TTLL12: variants seen among roughly 807,000 people sequenced by gnomAD.
TTLL12 encodes the protein tubulin--tyrosine ligase-like protein 12.
TTLL12 carries 77 observed loss-of-function variants against 79.6 expected under a neutral mutation model. That is an observed-to-expected ratio of 0.97 (90% CI 0.81 to 1.17). The LOEUF (loss-of-function observed/expected upper bound fraction) is 1.17, where lower values mean the gene tolerates loss of function less well. Among genes scored for constraint, TTLL12 ranks in the 50% most tolerant of loss-of-function variants. The pLI, the probability that TTLL12 is intolerant of heterozygous loss-of-function variation, is 0.00. For missense variants in TTLL12, 969 were observed against 895.9 expected (o/e 1.08, Z -1.04); for synonymous variants, 437 against 376.1 (o/e 1.16, Z -1.87).
At chr22:43,182,824 C>A (rs1932090967) in intron 2 of TTLL12, among the ~76,000 whole-genome samples, 156 bp downstream of exon 2, 1 of 152,240 alleles carries the variant, frequency 6.6e-6, no homozygotes, top group Non-Finnish European at 1.5e-5. Flanking sequence ...TACTCTGAAG[C>A]CCTGATGGAC....
At position 43,167,091 on chromosome 22, in the gene TTLL12, A is replaced by C. The variant is rs1931635325; in HGVS notation, c.*917T>G. The C allele has an allele frequency of 2.3e-6, 1 of 442,270 alleles. No individual in the cohort carries two copies. The highest frequency in any genetic ancestry group is 1.7e-5 in the South Asian group (1 of 58,580). 27.4% of individuals were successfully genotyped at this position (442,270 alleles called of 1,614,324 possible). A position where few individuals can be genotyped will look rare whatever the true frequency, so the allele number is the denominator to read the frequency against. On this transcript the variant is annotated 3_prime_UTR_variant, in exon 14 of 14. Transcript: ENST00000216129. ...ATACATTAAAAAATAAGAAAAAGCC[A>C]ACATTTTGACTGTAGACCCTGGTAG...
Position 43,168,315 on chromosome 22 carries a change from C to T in TTLL12, c.1784-156G>A, listed in dbSNP as rs537636661. 6.6e-5 allele frequency among the ~76,000 whole-genome samples: 10 copies of T among 152,136 alleles called. No homozygotes were observed. In the South Asian group the frequency reaches 2.1e-3, roughly 32 times the overall value. On this transcript the variant is annotated intron_variant, in intron 13 of 13. Transcript: ENST00000216129. The stretch of plus-strand genomic sequence containing the variant: ...AAGGCCGGGCCTAGAACTTGGGTCT[C>T]TTGACTTTGCTGGGGAGGCCTGGCC...
chr22:43,186,991 C>A lies in TTLL12; in HGVS notation c.79G>T (p.Ala27Ser). 1 of 1,283,516 alleles carries A rather than the reference C, an allele frequency of 7.8e-7. No individual in the cohort carries two copies. Among genetic ancestry groups the A allele is most frequent in the South Asian group, 2.2e-5 (1 of 44,924 alleles). The allele number at this position is 1,283,516 out of a possible 1,614,324, so 79.5% of individuals were successfully genotyped here. A position where few individuals can be genotyped will look rare whatever the true frequency, so the allele number is the denominator to read the frequency against. The change falls in exon 1 of 14, where the codon GCC (alanine) becomes TCC (serine). Residue 27 changes from alanine to serine, a missense_variant. By Grantham distance (99) the Ala-to-Ser change is moderately conservative. Transcript: ENST00000216129. ...TGCAGCGCCGCGAACTCGGCCAAGG[C>A]CTGCGCGCCCTCCTCCGGCGTCTGG... is the stretch of plus-strand genomic sequence containing the variant. Reference protein sequence around the residue: ...PGQTPEEGAQALAEFAALHGP... With the variant: ...PGQTPEEGAQSLAEFAALHGP...
At chr22:43,185,436 G>C (rs1932160445) in intron 1 of TTLL12, among the ~76,000 whole-genome samples, 4 of 151,952 alleles carry the variant, frequency 2.6e-5, no homozygotes, top group Middle Eastern at 3.4e-3. Flanking sequence ...CCACACCTGG[G>C]CCAGTAGCAG....
At position 43,169,486 on chromosome 22, in the gene TTLL12, A is replaced by G; in HGVS notation, c.1644+14T>C. 6.3e-7 allele frequency: 1 copy of G among 1,580,240 alleles called. No individual in the cohort carries two copies. The highest frequency in any genetic ancestry group is 8.6e-7 in the Non-Finnish European group (1 of 1,162,666). ...GCCCCACCGGCCTGCGATGGTGTGC[A>G]GGACAGGAATTACCTGGACGTCCGT... On this transcript the variant is annotated intron_variant, in intron 12 of 13. Transcript: ENST00000216129.
At position 43,187,045 on chromosome 22, in the gene TTLL12, G is replaced by C; in HGVS notation, c.25C>G (p.Arg9Gly). MEAERGPE[R>G]RPAERSSPGQ... ...GGGCTGCTACGCTCCGCAGGCCGGCGCTCGGGACCCCGCTCGGCCTCCATG... is the reference window on the plus strand; with the variant it reads ...GGGCTGCTACGCTCCGCAGGCCGGCCCTCGGGACCCCGCTCGGCCTCCATG... Residue 9 changes from arginine (R) to glycine (G), a missense_variant, in exon 1 of 14, where the codon CGC becomes GGC. Transcript: ENST00000216129. 4 of 1,195,250 alleles carry C rather than the reference G, an allele frequency of 3.3e-6. No homozygotes were observed. The South Asian group carries it at 1.5e-4, about 45-fold the overall frequency. 74.0% of individuals were successfully genotyped at this position (1,195,250 alleles called of 1,614,324 possible). A position where few individuals can be genotyped will look rare whatever the true frequency, so the allele number is the denominator to read the frequency against.
intron 5 of TTLL12, among the ~76,000 whole-genome samples, 198 bp from the exon 6 acceptor site, chr22:43,176,594 G>A (rs1215591627): frequency 1.3e-5 from 2 of 152,018 alleles, no homozygotes; most frequent in East Asian, 1.9e-4. Context: ...GCCAGGCATG[G>A]TGGCGCGTGC....
Position 43,176,340 on chromosome 22 carries a change from G to A in TTLL12, c.897C>T (p.His299=), listed in dbSNP as rs1004229121. 4.4e-6 allele frequency: 7 copies of A among 1,602,130 alleles called. No homozygotes were observed. Among genetic ancestry groups the A allele is most frequent in the East Asian group, 2.2e-5 (1 of 44,500 alleles). ...KLPLDINPVV[H]PHGHIFKVYT... ...CGCACTTGAAGATGTGGCCGTGGGG[G>A]TGCACCACGGGGTTGATGTCAAGTG... The change falls in exon 6 of 14, where the codon CAC becomes CAT. Residue 299 remains histidine, a synonymous_variant. Coordinates refer to ENST00000216129, the MANE Select transcript of TTLL12 (RefSeq NM_015140.4).
intron 5 of TTLL12, among the ~76,000 whole-genome samples, chr22:43,178,224 C>T (rs1275265639): frequency 6.6e-6 from 1 of 152,154 alleles, no homozygotes; most frequent in South Asian, 2.1e-4. Flanking sequence ...TCACCACTGA[C>T]TTAGACCGAA....
At chr22:43,170,090 A>C in intron 11 of TTLL12, 1 of 356,920 alleles carries the variant, frequency 2.8e-6, no homozygotes, top group South Asian at 2.1e-5. Context: ...CAGTCGGCTC[A>C]GGTTTCTCCC....
chr22:43,174,175 C>T, intron 8 of TTLL12, 34 bp downstream of exon 8: 3 of 1,590,880 alleles, frequency 1.9e-6, no homozygotes, highest in Non-Finnish European at 2.6e-6. Context: ...GGAAAAGGGC[C>T]ATGGAGCACA....
At chr22:43,171,091 C>T (rs1931752757) in intron 11 of TTLL12, among the ~76,000 whole-genome samples, 1 of 152,172 alleles carries the variant, frequency 6.6e-6, no homozygotes, top group African/African-American at 2.4e-5. Flanking sequence ...GCAAGGCTGG[C>T]GACAGGCAGG....
intron 12 of TTLL12, 80 bp downstream of exon 12, chr22:43,169,420 A>G (rs967758417): frequency 3.2e-6 from 4 of 1,233,664 alleles, no homozygotes; most frequent in Non-Finnish European, 4.5e-6. Flanking sequence ...GCCAGCAGAG[A>G]GGGAAGGGAG....
In TTLL12 at chr22:43,172,482, G is replaced by C. The variant is rs776325002; in HGVS notation, c.1414C>G (p.Arg472Gly). ...ACTGACCGCAGCAGCACGATGTAGC[G>C]GATGTCGAACTTGACCTTTCCCACG... ...EDVGKVKFDI[R>G]YIVLLRSVRP... Residue 472 changes from arginine (R) to glycine (G), a missense_variant, in exon 10 of 14, where the codon CGC becomes GGC. Transcript: ENST00000216129. 3 of 1,614,124 alleles carry C rather than the reference G, an allele frequency of 1.9e-6. No homozygotes were observed. The South Asian group carries it at 3.3e-5, about 18-fold the overall frequency.
At chr22:43,172,638 C>T (rs534687850) in intron 9 of TTLL12, 84 bp from the exon 10 acceptor site, 2 of 1,492,180 alleles carry the variant, frequency 1.3e-6, no homozygotes, top group Admixed American at 1.7e-5. Context: ...GCAGGGGGCA[C>T]AGACATGGCT....
In TTLL12 at chr22:43,174,307, C is replaced by T; in HGVS notation, c.1131G>A (p.Arg377=). 1 of 1,610,700 alleles carries T rather than the reference C, an allele frequency of 6.2e-7. No homozygotes were observed. The highest frequency in any genetic ancestry group is 8.5e-7 in the Non-Finnish European group (1 of 1,179,050). Residue 377 remains arginine (R), a synonymous_variant, in exon 8 of 14, where the codon CGG becomes CGA. Coordinates refer to ENST00000216129, the MANE Select transcript of TTLL12 (RefSeq NM_015140.4). The stretch of plus-strand genomic sequence containing the variant: ...AGGGTGGGCCCTCGGGGCCACCTGC[C>T]CGGCGCGCGATGGAGGCCAGGCAGT... The part of the protein sequence containing the change: ...VKDCLASIAR[R]AGGPEGPPWL...
Position 43,169,542 on chromosome 22 carries a change from C to G in TTLL12, c.1602G>C (p.Glu534Asp), listed in dbSNP as rs771459750. The G allele has an allele frequency of 6.2e-7, 1 of 1,610,266 alleles. No homozygotes were observed. Among genetic ancestry groups the G allele is most frequent in the South Asian group, 1.1e-5 (1 of 90,838 alleles). Residue 534 changes from glutamate (E) to aspartate (D), a missense_variant, in exon 12 of 14, where the codon GAG becomes GAC. Physicochemically the swap from Glu to Asp is conservative, Grantham distance 45. Coordinates refer to ENST00000216129, the MANE Select transcript of TTLL12 (RefSeq NM_015140.4). ...GAAATTCTGGGTATTGCTTCTCAAACTCGGGGATGAACTCTTCACAGTGCA... is the reference window on the plus strand; with the variant it reads ...GAAATTCTGGGTATTGCTTCTCAAAGTCGGGGATGAACTCTTCACAGTGCA... ...KQVHCEEFIP[E>D]FEKQYPEFPW...
At chr22:43,178,665 C>T (rs997244738) in intron 5 of TTLL12, among the ~76,000 whole-genome samples, 4 of 152,270 alleles carry the variant, frequency 2.6e-5, no homozygotes, top group Non-Finnish European at 4.4e-5. Flanking sequence ...TAACCCTTCC[C>T]GAAACCCTCC....
intron 11 of TTLL12, 200 bp from the exon 12 acceptor site, chr22:43,169,768 C>T: frequency 1.5e-6 from 1 of 665,360 alleles, no homozygotes; most frequent in African/African-American, 1.8e-5. Context: ...TGACTCTGGA[C>T]CAACGGATTA....
Sources: allele counts gnomAD v4.1 joint callset (sites outside exome capture counted in the v4.1 genomes callset), GRCh38; gene constraint gnomAD v4.1.1; transcripts MANE v1.5; gene names NCBI Gene and HGNC (gene_info 2026-07-23, HGNC 2026-07-21).